Variants in CNOT4 observed in about 807,000 individuals in gnomAD.
The protein encoded by CNOT4 is CCR4-associated factor 4.
In CNOT4, 8 loss-of-function variants were observed where a neutral mutation model predicts 73.8. The observed-to-expected ratio is 0.11, with a 90% CI of 0.06 to 0.20. The LOEUF is 0.20. Ranked by LOEUF, CNOT4 falls within the 10% of genes least tolerant of loss-of-function variation. The pLI, the probability that CNOT4 is intolerant of heterozygous loss-of-function variation, is 1.00. For synonymous variants in CNOT4, 293 were observed against 321.1 expected (o/e 0.91, Z 0.94); for missense variants, 564 against 883.4 (o/e 0.64, Z 4.58).
intron 7 of CNOT4, among the ~76,000 whole-genome samples, chr7:135,409,768 A>G (rs1245270721): frequency 1.3e-5 from 2 of 152,148 alleles, no homozygotes; most frequent in African/African-American, 4.8e-5. Flanking sequence ...TATCAAATAA[A>G]AAAGAACAAA....
At chr7:135,436,908 T>C (rs1030418679) in intron 2 of CNOT4, among the ~76,000 whole-genome samples, 2 of 152,244 alleles carry the variant, frequency 1.3e-5, no homozygotes, top group African/African-American at 4.8e-5. Flanking sequence ...CAAAATTTGA[T>C]AGTAATGAAC....
chr7:135,443,800 G>T (rs1799637267), intron 1 of CNOT4, among the ~76,000 whole-genome samples: 1 of 152,146 alleles, frequency 6.6e-6, no homozygotes, highest in African/African-American at 2.4e-5. Context: ...CACTTATAAA[G>T]TGTTGCTGTA....
chr7:135,457,616 C>T (rs1008890793), intron 1 of CNOT4, among the ~76,000 whole-genome samples: 1 of 152,016 alleles, frequency 6.6e-6, no homozygotes, highest in Non-Finnish European at 1.5e-5. Flanking sequence ...AATGGCGTTT[C>T]CACGCTTCTA....
rs1163549447 is a variant in CNOT4, at chr7:135,504,635, C to T, written c.-93+5254G>A. 9.8e-4 allele frequency among the ~76,000 whole-genome samples: 116 copies of T among 118,092 alleles called. 27 individuals carry two copies. Among genetic ancestry groups the T allele is most frequent in the African/African-American group, 3.9e-3 (107 of 27,742 alleles). The allele number at this position is 118,092 out of a possible 152,430, so 77.5% of individuals were successfully genotyped here. ...CCAAGTAGCTGGGACTACAGGCGCC[C>T]GCCACTACGCCCGGCTAATTTTTTG... On this transcript the variant is annotated intron_variant, in intron 1 of 11. Coordinates refer to ENST00000541284, the MANE Select transcript of CNOT4 (RefSeq NM_001190850.2).
At chr7:135,421,871 A>T (rs1798213624) in intron 3 of CNOT4, among the ~76,000 whole-genome samples, 1 of 152,228 alleles carries the variant, frequency 6.6e-6, no homozygotes, top group Non-Finnish European at 1.5e-5. Flanking sequence ...ACAGCAAAAT[A>T]GAATCATTAT....
At chr7:135,433,208 T>C (rs963780839) in intron 2 of CNOT4, among the ~76,000 whole-genome samples, 2 of 152,178 alleles carry the variant, frequency 1.3e-5, no homozygotes, top group Non-Finnish European at 2.9e-5. Flanking sequence ...AAATATTTCA[T>C]CTCTTTTGCT....
chr7:135,366,196 C>T (rs1232110534), intron 10 of CNOT4, among the ~76,000 whole-genome samples: 1 of 152,180 alleles, frequency 6.6e-6, no homozygotes, highest in Non-Finnish European at 1.5e-5. Flanking sequence ...TATCCCATAA[C>T]TCAGAACAAT....
chr7:135,476,567 C>A (rs938084795), intron 1 of CNOT4, among the ~76,000 whole-genome samples: 4 of 152,116 alleles, frequency 2.6e-5, no homozygotes, highest in African/African-American at 9.7e-5. Context: ...GTCCTAGCTA[C>A]GGGGTAGGCT....
At chr7:135,484,579 A>C (rs1003010974) in intron 1 of CNOT4, among the ~76,000 whole-genome samples, 1 of 152,136 alleles carries the variant, frequency 6.6e-6, no homozygotes, top group Non-Finnish European at 1.5e-5. Context: ...AACATGGTGA[A>C]ACCCCATTTA....
At chr7:135,428,101 A>G (rs2129484819) in intron 2 of CNOT4, among the ~76,000 whole-genome samples, 1 of 152,316 alleles carries the variant, frequency 6.6e-6, no homozygotes, top group East Asian at 1.9e-4. Flanking sequence ...TAGGTAGGGG[A>G]AAACCATCCT....
chr7:135,394,271 A>G lies in CNOT4; in HGVS notation c.1274T>C (p.Val425Ala), dbSNP rs1458486861. The part of the protein sequence containing the change: ...LADLIEKELS[V>A]QDQPSLSPTS... ...GGGCGAAAGGGAAGGTTGGTCTTGAACGGACAGTTCCTTCTCAATCAGGTC... is the reference window on the plus strand; with the variant it reads ...GGGCGAAAGGGAAGGTTGGTCTTGAGCGGACAGTTCCTTCTCAATCAGGTC... Residue 425 changes from valine (V) to alanine (A), a missense_variant, in exon 10 of 12, where the codon GTT becomes GCT. Val to Ala is a moderately conservative substitution (Grantham distance 64, BLOSUM62 0). Coordinates refer to ENST00000541284, the MANE Select transcript of CNOT4 (RefSeq NM_001190850.2). The G allele has an allele frequency of 6.2e-7, 1 of 1,614,034 alleles. No homozygotes were observed. Among genetic ancestry groups the G allele is most frequent in the Non-Finnish European group, 8.5e-7 (1 of 1,180,024 alleles).
chr7:135,497,392 G>T (rs546700862), intron 1 of CNOT4, among the ~76,000 whole-genome samples: 81 of 152,108 alleles, frequency 5.3e-4, no homozygotes, highest in Non-Finnish European at 9.4e-4. Flanking sequence ...CTGGGTGAGA[G>T]AGTGAGACAC....
At chr7:135,421,082 T>A (rs573360622) in intron 3 of CNOT4, among the ~76,000 whole-genome samples, 1 of 152,186 alleles carries the variant, frequency 6.6e-6, no homozygotes, top group Non-Finnish European at 1.5e-5. Flanking sequence ...CTTACTAATG[T>A]CCCTGACTTT....
intron 1 of CNOT4, among the ~76,000 whole-genome samples, chr7:135,455,299 GA>G (rs988256311): frequency 4.1e-4 from 60 of 147,640 alleles, no homozygotes; most frequent in African/African-American, 1.4e-3. Context: ...ACTATGTGGC[GA>G]AAAAAAAAGC....
At chr7:135,481,338 C>G (rs938582460) in intron 1 of CNOT4, among the ~76,000 whole-genome samples, 1 of 151,942 alleles carries the variant, frequency 6.6e-6, no homozygotes, top group Non-Finnish European at 1.5e-5. Context: ...AAAAAATGTT[C>G]AACATCACTA....
At chr7:135,433,798 A>G (rs1798996518) in intron 2 of CNOT4, among the ~76,000 whole-genome samples, 1 of 152,188 alleles carries the variant, frequency 6.6e-6, no homozygotes, top group South Asian at 2.1e-4. Flanking sequence ...ACATCAGTGC[A>G]CCACCTATGT....
chr7:135,407,330 T>C (rs1241987663), intron 7 of CNOT4, among the ~76,000 whole-genome samples: 1 of 152,208 alleles, frequency 6.6e-6, no homozygotes, highest in Non-Finnish European at 1.5e-5. Flanking sequence ...TTGTTATAAA[T>C]GCCAAAGATA....
At chr7:135,408,392 T>C (rs1444365822) in intron 7 of CNOT4, among the ~76,000 whole-genome samples, 2 of 152,198 alleles carry the variant, frequency 1.3e-5, no homozygotes, top group Admixed American at 1.3e-4. Context: ...ACCAAGGTAC[T>C]CTGTGTATAA....
At position 135,415,158 on chromosome 7, in the gene CNOT4, A is replaced by G; in HGVS notation, c.459+18T>C. On this transcript the variant is annotated intron_variant, in intron 4 of 11. Transcript: ENST00000541284. The stretch of plus-strand genomic sequence containing the variant: ...CAGACCATAGGGAGGAAAAGCAAAA[A>G]TCCCTAAAATTAGTTACCTGTGAGC... The G allele has an allele frequency of 6.6e-7, 1 of 1,513,390 alleles. No homozygotes were observed. The highest frequency in any genetic ancestry group is 9.2e-7 in the Non-Finnish European group (1 of 1,090,260). 93.7% of individuals were successfully genotyped at this position (1,513,390 alleles called of 1,614,324 possible). A position where few individuals can be genotyped will look rare whatever the true frequency, so the allele number is the denominator to read the frequency against.
Sources: gnomAD v4.1 joint callset for allele counts (sites outside exome capture counted in the v4.1 genomes callset) on GRCh38, gnomAD v4.1.1 for gene constraint, MANE v1.5 for transcripts, NCBI Gene and HGNC (gene_info 2026-07-23, HGNC 2026-07-21) for gene names.